The following NT5C1A variants were observed in gnomAD, a reference collection of about 807,000 sequenced individuals.
NT5C1A encodes the protein 5'-nucleotidase, cytosolic IA, also known as cytosolic 5'-nucleotidase 1A.
In NT5C1A, 18 loss-of-function variants were observed where a neutral mutation model predicts 31.0. The ratio of observed to expected loss-of-function variants is 0.58; its 90% CI spans 0.40 to 0.86. The LOEUF is 0.86. NT5C1A is among the 40% of genes least tolerant of loss of function. NT5C1A has a pLI of 0.00. For missense variants in NT5C1A, 470 were observed against 505.4 expected, an observed-to-expected ratio of 0.93 and a Z score of 0.67; for synonymous variants, 185 against 203.6, an observed-to-expected ratio of 0.91 and a Z score of 0.78.
rs903964449 is a variant in NT5C1A, at chr1:39,656,650, C to A, written c.*2471G>T. ...CCCTGGGGGCAAGACCACACAGGTC[C>A]CAGAATCCCTGCAGTTTTTCTTAAT... On this transcript the variant is annotated 3_prime_UTR_variant, in exon 6 of 6. Coordinates refer to ENST00000235628, the MANE Select transcript of NT5C1A (RefSeq NM_032526.3). 1.3e-5 allele frequency among the ~76,000 whole-genome samples: 2 copies of A among 152,232 alleles called. No homozygotes were observed. Among genetic ancestry groups the A allele is most frequent in the African/African-American group, 4.8e-5 (2 of 41,464 alleles).
rs1283813261 is a variant in NT5C1A, at chr1:39,661,031, G to A, written c.741+48C>T. The A allele has an allele frequency of 7.6e-6, 9 of 1,188,862 alleles. No individual in the cohort carries two copies. In the Admixed American group the frequency reaches 1.2e-4, roughly 16 times the overall value. The allele number at this position is 1,188,862 out of a possible 1,614,324, so 73.6% of individuals were successfully genotyped here. A position where few individuals can be genotyped will look rare whatever the true frequency, so the allele number is the denominator to read the frequency against. On this transcript the variant is annotated intron_variant, in intron 5 of 5. Transcript: ENST00000235628. ...GGGAGTGCAGGCCAAGGGCAGGTCT[G>A]GGGAGCTGCCTTGTTCCTCTCAGGG... is the stretch of plus-strand genomic sequence containing the variant.
Position 39,658,007 on chromosome 1 carries a change from G to A in NT5C1A, c.*1114C>T, listed in dbSNP as rs1646472024. ...TCAGCCACTGCACTTTCTTCCCCTAGAATTGAGGCCACAACAGTAGACACC... is the reference window on the plus strand; with the variant it reads ...TCAGCCACTGCACTTTCTTCCCCTAAAATTGAGGCCACAACAGTAGACACC... On this transcript the variant is annotated 3_prime_UTR_variant, in exon 6 of 6. Transcript: ENST00000235628. Among the ~76,000 whole-genome samples the A allele has an allele frequency of 1.3e-5, 2 of 152,152 alleles. No homozygotes were observed. The highest frequency in any genetic ancestry group is 2.9e-5 in the Non-Finnish European group (2 of 68,042).
Position 39,659,247 on chromosome 1 carries a change from AAAG to A in NT5C1A, c.978_980del (p.Phe327del). The A allele has an allele frequency of 1.9e-6, 3 of 1,614,128 alleles. No individual in the cohort carries two copies. Among genetic ancestry groups the A allele is most frequent in the Non-Finnish European group, 2.5e-6 (3 of 1,180,042 alleles). ...CAGCCACATGGAACATCTGGTCATC[AAAG>A]AAGATGTGTGGGCGGATCTTCTCAA... On this transcript the variant is annotated inframe_deletion, in exon 6 of 6. Transcript: ENST00000235628.
intron 1 of NT5C1A, among the ~76,000 whole-genome samples, chr1:39,668,325 G>C (rs927429137): frequency 6.6e-6 from 1 of 152,144 alleles, no homozygotes; most frequent in Admixed American, 6.5e-5. Context: ...TCCCAAGCCT[G>C]CCACTCCAAC....
Position 39,665,547 on chromosome 1 carries a change from C to T in NT5C1A, c.407G>A (p.Arg136His), listed in dbSNP as rs775677100. The T allele has an allele frequency of 7.4e-6, 12 of 1,613,032 alleles. No homozygotes were observed. Among genetic ancestry groups the T allele is most frequent in the Middle Eastern group, 1.7e-4 (1 of 6,042 alleles). The change falls in exon 3 of 6, where the codon CGC becomes CAC. Residue 136 changes from arginine to histidine, a missense_variant. Coordinates refer to ENST00000235628, the MANE Select transcript of NT5C1A (RefSeq NM_032526.3). ...ATAGTGGTTGATACTGTTGATGAGG[C>T]GGACACCCACTTGAGCATGGTTGTT... ...MTNNHAQVGV[R>H]LINSINHYDL...
At chr1:39,662,164 C>T (rs905013047) in intron 4 of NT5C1A, among the ~76,000 whole-genome samples, 1 of 152,220 alleles carries the variant, frequency 6.6e-6, no homozygotes, top group African/African-American at 2.4e-5. Flanking sequence ...CACTTCAGCC[C>T]AACTCTTTGA....
intron 4 of NT5C1A, 72 bp downstream of exon 4, chr1:39,663,240 C>G (rs1646500563): frequency 6.3e-7 from 1 of 1,589,216 alleles, no homozygotes; most frequent in African/African-American, 1.3e-5. Flanking sequence ...CTCGGAACTT[C>G]AGGACCAGGC....
At chr1:39,659,848 C>T (rs1248843523) in intron 5 of NT5C1A, among the ~76,000 whole-genome samples, 4 of 152,126 alleles carry the variant, frequency 2.6e-5, no homozygotes, top group South Asian at 2.1e-4. Context: ...ATGGCATGGG[C>T]GCCCTCCAAT....
Position 39,663,424 on chromosome 1 carries a change from G to A in NT5C1A, c.444C>T (p.Ile148=), listed in dbSNP as rs1186626377. ...INSINHYDLF[I]ERFCMTGGNS... ...TCCCACCTGTCATGCAGAACCTCTC[G>A]ATGAACAGGTCTGGGAAGGAGGTAA... Residue 148 remains isoleucine (I), a synonymous_variant, in exon 4 of 6, where the codon ATC becomes ATT. Transcript: ENST00000235628. 16 of 1,614,050 alleles carry A rather than the reference G, an allele frequency of 9.9e-6. No homozygotes were observed. The highest frequency in any genetic ancestry group is 1.2e-5 in the Non-Finnish European group (14 of 1,179,992).
rs1646431881 is a variant in NT5C1A, at chr1:39,651,496, A to T, written c.*7625T>A. On this transcript the variant is annotated 3_prime_UTR_variant, in exon 6 of 6. Transcript: ENST00000235628. ...ACAAGGGAAGTCACAAAGACGAAGA[A>T]ACACATGCTCTAACCATTTACGGAG... is the stretch of plus-strand genomic sequence containing the variant. Among the ~76,000 whole-genome samples the T allele has an allele frequency of 6.6e-6, 1 of 152,220 alleles. No individual in the cohort carries two copies. Among genetic ancestry groups the T allele is most frequent in the African/African-American group, 2.4e-5 (1 of 41,442 alleles).
At position 39,652,030 on chromosome 1, in the gene NT5C1A, C is replaced by CAAAAAAAAAAAAAAAAAAA. The variant is rs61024293; in HGVS notation, c.*7072_*7090dup. Among the ~76,000 whole-genome samples, 1 of 37,804 alleles carries CAAAAAAAAAAAAAAAAAAA rather than the reference C, an allele frequency of 2.6e-5. No individual in the cohort carries two copies. The highest frequency in any genetic ancestry group is 5.4e-5 in the Non-Finnish European group (1 of 18,464). The allele number at this position is 37,804 out of a possible 152,430, so 24.8% of individuals were successfully genotyped here. A position where few individuals can be genotyped will look rare whatever the true frequency, so the allele number is the denominator to read the frequency against. On this transcript the variant is annotated 3_prime_UTR_variant, in exon 6 of 6. Transcript: ENST00000235628. ...TGAGTGACAGAGCAAGACTCCGTCT[C>CAAAAAAAAAAAAAAAAAAA]AAAAAAAAAAAAAAAAAAAAAAAAA...
At position 39,663,333 on chromosome 1, in the gene NT5C1A, C is replaced by A; in HGVS notation, c.535G>T (p.Val179Leu). Residue 179 changes from valine (V) to leucine (L), a missense_variant, in exon 4 of 6, where the codon GTG becomes TTG. Transcript: ENST00000235628. The part of the protein sequence containing the change: ...NLYLSADAEK[V>L]REAIDEGIAA... ...TTACCCTCATCAATGGCTTCTCGCA[C>A]TTTTTCCGCATCGGCTGACAAGTAG... The A allele has an allele frequency of 6.2e-7, 1 of 1,614,168 alleles. No homozygotes were observed.
rs1370267810 is a variant in NT5C1A at position 39,654,900 on chromosome 1, G to A, written c.*4221C>T. 6.6e-6 allele frequency among the ~76,000 whole-genome samples: 1 copy of A among 151,946 alleles called. No individual in the cohort carries two copies. The highest frequency in any genetic ancestry group is 1.5e-5 in the Non-Finnish European group (1 of 67,988). On this transcript the variant is annotated 3_prime_UTR_variant, in exon 6 of 6. Transcript: ENST00000235628. Reference sequence around the variant, plus strand: ...AGTGTGAAATCAGCCATAAACATATGTAAACAAATGGGCATGGCTATGTTC... The same window carrying A: ...AGTGTGAAATCAGCCATAAACATATATAAACAAATGGGCATGGCTATGTTC...
In NT5C1A at chr1:39,658,197, G is replaced by T. The variant is rs940813669; in HGVS notation, c.*924C>A. Reference sequence around the variant, plus strand: ...GCAGGCAGCTACTAATGCTTCTCCCGGGAAGAGCCTGCAGTGCCCCCTGCT... The same window carrying T: ...GCAGGCAGCTACTAATGCTTCTCCCTGGAAGAGCCTGCAGTGCCCCCTGCT... On this transcript the variant is annotated 3_prime_UTR_variant, in exon 6 of 6. Coordinates refer to ENST00000235628, the MANE Select transcript of NT5C1A (RefSeq NM_032526.3). Among the ~76,000 whole-genome samples the T allele has an allele frequency of 6.6e-6, 1 of 152,160 alleles. No individual in the cohort carries two copies. The highest frequency in any genetic ancestry group is 6.5e-5 in the Admixed American group (1 of 15,276).
chr1:39,669,405 G>A (rs1646538896), intron 1 of NT5C1A, among the ~76,000 whole-genome samples: 2 of 152,302 alleles, frequency 1.3e-5, no homozygotes, highest in Admixed American at 6.5e-5. Context: ...GTTTTGGATT[G>A]AAGAAGTGTT....
At position 39,665,366 on chromosome 1, in the gene NT5C1A, TTTTG is replaced by T. The variant is rs532799504; in HGVS notation, c.433+151_433+154del. On this transcript the variant is annotated intron_variant, in intron 3 of 5. Transcript: ENST00000235628. ...AAACTAGCAACACTACAAGTCAGGG[TTTTG>T]TTTGTTTGTTTAAAGAGCGAATTTA... Among the ~76,000 whole-genome samples, 346 of 152,154 alleles carry T rather than the reference TTTTG, an allele frequency of 2.3e-3. 1 individual carries two copies. The highest frequency in any genetic ancestry group is 7.7e-3 in the African/African-American group (319 of 41,478).
Position 39,659,270 on chromosome 1 carries a change from TCTCAAG to T in NT5C1A, c.952_957del (p.Leu318_Glu319del). 6.2e-7 allele frequency: 1 copy of T among 1,614,126 alleles called. No homozygotes were observed. The highest frequency in any genetic ancestry group is 8.5e-7 in the Non-Finnish European group (1 of 1,180,034). ...TCAAAGAAGATGTGTGGGCGGATCT[TCTCAAG>T]GAGAGGGCCCTTGGGCGCTCCAGCA... On this transcript the variant is annotated inframe_deletion, in exon 6 of 6. Transcript: ENST00000235628.
At position 39,654,012 on chromosome 1, in the gene NT5C1A, G is replaced by A. The variant is rs2124142586; in HGVS notation, c.*5109C>T. ...GGAATGCTGGATAGAGAAAGATTCT[G>A]AGACCCAGTCTGGGCTTAGTGGAGA... On this transcript the variant is annotated 3_prime_UTR_variant, in exon 6 of 6. Transcript: ENST00000235628. 6.6e-6 allele frequency among the ~76,000 whole-genome samples: 1 copy of A among 152,160 alleles called. No homozygotes were observed. Among genetic ancestry groups the A allele is most frequent in the South Asian group, 2.1e-4 (1 of 4,826 alleles).
Position 39,661,076 on chromosome 1 carries a change from C to T in NT5C1A, c.741+3G>A, listed in dbSNP as rs760776552. ...TCAGGGGTTCTGGGTCTATGGGGAG[C>T]ACCTGAGCCAGAGGTTTGTTCTCGT... is the stretch of plus-strand genomic sequence containing the variant. On this transcript the variant is annotated splice_donor_region_variant and intron_variant, in intron 5 of 5. Transcript: ENST00000235628. 19 of 1,563,360 alleles carry T rather than the reference C, an allele frequency of 1.2e-5. No individual in the cohort carries two copies. The highest frequency in any genetic ancestry group is 1.7e-4 in the Middle Eastern group (1 of 5,890).
Sources: gnomAD v4.1 joint callset for allele counts (sites outside exome capture counted in the v4.1 genomes callset) on GRCh38, gnomAD v4.1.1 for gene constraint, MANE v1.5 for transcripts, NCBI Gene and HGNC (gene_info 2026-07-23, HGNC 2026-07-21) for gene names.